Variants in DMD observed in about 807,000 individuals in gnomAD.
The protein encoded by DMD is dystrophin.
DMD carries 63 observed loss-of-function variants against 330.1 expected under a neutral mutation model. The observed-to-expected ratio is 0.19, with a 90% CI of 0.16 to 0.24. The LOEUF (loss-of-function observed/expected upper bound fraction) is 0.24. Among genes scored for constraint, DMD ranks in the 10% least tolerant of loss-of-function variants. DMD has a pLI of 1.00. For synonymous variants in DMD, 1,223 were observed against 959.8 expected (o/e 1.27, Z -5.07); for missense variants, 3,344 against 2,684.1 (o/e 1.25, Z -5.43).
intron 44 of DMD, among the ~76,000 whole-genome samples, chrX:32,046,353 A>C (rs1193811708): frequency 3.6e-5 from 4 of 112,481 alleles, no homozygotes; most frequent in Non-Finnish European, 1.9e-5. Flanking sequence ...CTCCTCACAC[A>C]GAAATGCAAA....
chrX:32,632,031 T>C (rs760231287), intron 11 of DMD, among the ~76,000 whole-genome samples: 2 of 111,784 alleles, frequency 1.8e-5, no homozygotes, highest in South Asian at 7.5e-4. Context: ...TGAGACAAGG[T>C]AAGTTTCTTC....
rs141409425 is a variant in DMD at position 31,736,209 on chromosome X, G to C, written c.7543-6461C>G. On this transcript the variant is annotated intron_variant, in intron 51 of 78. Coordinates refer to ENST00000357033, the MANE Select transcript of DMD (RefSeq NM_004006.3). Reference sequence around the variant, plus strand: ...TGCCTCTTGCTTAATTCCTGAGAATGCGTTTCAAATTTCTGGAAGGAGCAG... The same window carrying C: ...TGCCTCTTGCTTAATTCCTGAGAATCCGTTTCAAATTTCTGGAAGGAGCAG... 3.5e-3 allele frequency among the ~76,000 whole-genome samples: 393 copies of C among 111,824 alleles called. 3 individuals are homozygous for C. Among genetic ancestry groups the C allele is most frequent in the African/African-American group, 8.5e-3 (262 of 30,794 alleles).
At chrX:32,977,092 G>A (rs1018383119) in intron 2 of DMD, among the ~76,000 whole-genome samples, 1 of 111,131 alleles carries the variant, frequency 9.0e-6, no homozygotes, top group Non-Finnish European at 1.9e-5. Context: ...AGGAGTTTGA[G>A]ACCAGCCTGG....
At chrX:31,757,547 A>G (rs2089217560) in intron 51 of DMD, among the ~76,000 whole-genome samples, 1 of 111,468 alleles carries the variant, frequency 9.0e-6, no homozygotes, top group African/African-American at 3.3e-5. Flanking sequence ...CAAGATCAAG[A>G]CATCAGCAGA....
At chrX:32,607,182 G>C (rs779312007) in intron 12 of DMD, among the ~76,000 whole-genome samples, 2 of 110,319 alleles carry the variant, frequency 1.8e-5, no homozygotes, top group South Asian at 7.5e-4. Flanking sequence ...AGTTAAATGA[G>C]ACAATACATT....
chrX:31,399,971 A>C (rs1240723001), intron 60 of DMD, among the ~76,000 whole-genome samples: 1 of 112,180 alleles, frequency 8.9e-6, no homozygotes, highest in Non-Finnish European at 1.9e-5. Flanking sequence ...TCTAAATTGC[A>C]ATGACATCAT....
At chrX:33,136,468 A>G (rs1019378516) in intron 1 of DMD, among the ~76,000 whole-genome samples, 3 of 106,928 alleles carry the variant, frequency 2.8e-5, no homozygotes, top group African/African-American at 1.0e-4. Flanking sequence ...CTCTCTAAAA[A>G]TGCTGTATTT....
chrX:31,907,822 A>C (rs746407866), intron 47 of DMD, among the ~76,000 whole-genome samples: 1 of 112,566 alleles, frequency 8.9e-6, no homozygotes, highest in East Asian at 2.8e-4. Flanking sequence ...TACCCATCTG[A>C]CAAAGGGCTA....
chrX:33,135,272 C>T (rs1465887563), intron 1 of DMD, among the ~76,000 whole-genome samples: 2 of 111,872 alleles, frequency 1.8e-5, no homozygotes, highest in Admixed American at 9.6e-5. Context: ...AGCACTGTTC[C>T]TGGAACATAG....
At chrX:31,497,030 A>G (rs2069936335) in intron 56 of DMD, 86 bp from the exon 57 acceptor site, 1 of 1,047,244 alleles carries the variant, frequency 9.5e-7, no homozygotes, top group Non-Finnish European at 1.3e-6. Flanking sequence ...AGTACAATAA[A>G]CCTATTGTGA....
chrX:31,138,340 C>T (rs778531127), intron 76 of DMD, among the ~76,000 whole-genome samples: 27 of 111,464 alleles, frequency 2.4e-4, no homozygotes, highest in Admixed American at 9.5e-4. Flanking sequence ...ATTTGTTATG[C>T]AGCAACAGCT....
Position 32,679,902 on chromosome X carries a change from C to CTTTTTTTTTTTTTTTTTTTTTTTT in DMD, c.960+17944_960+17967dup, listed in dbSNP as rs766270656. ...TGTTCGTTTCGCTCTAATATTTGTACTTTTTTTTTTTTTTTTTTTTTTTTT... is the reference window on the plus strand; with the variant it reads ...TGTTCGTTTCGCTCTAATATTTGTACTTTTTTTTTTTTTTTTTTTTTTTTTTTTTTTTTTTTTTTTTTTTTTTTT... On this transcript the variant is annotated intron_variant, in intron 9 of 78. Coordinates refer to ENST00000357033, the MANE Select transcript of DMD (RefSeq NM_004006.3). Among the ~76,000 whole-genome samples, 4 of 23,599 alleles carry CTTTTTTTTTTTTTTTTTTTTTTTT rather than the reference C, an allele frequency of 1.7e-4. 1 individual carries two copies. The highest frequency in any genetic ancestry group is 7.1e-4 in the African/African-American group (4 of 5,636). The allele number at this position is 23,599 out of a possible 115,157, so 20.5% of individuals were successfully genotyped here.
chrX:32,852,311 G>A (rs1472732964), intron 2 of DMD, among the ~76,000 whole-genome samples: 2 of 111,374 alleles, frequency 1.8e-5, no homozygotes, highest in African/African-American at 3.3e-5. Context: ...TTGCTACCTT[G>A]AAGAGAAGAA....
At chrX:32,030,994 C>T (rs1051397184) in intron 44 of DMD, among the ~76,000 whole-genome samples, 3 of 111,543 alleles carry the variant, frequency 2.7e-5, no homozygotes, top group Admixed American at 9.6e-5. Flanking sequence ...AAGTGCCTGC[C>T]GTATAGAGGG....
chrX:32,989,088 G>T (rs754463798), intron 2 of DMD, among the ~76,000 whole-genome samples: 7 of 111,490 alleles, frequency 6.3e-5, no homozygotes, highest in African/African-American at 2.3e-4. Context: ...ACATATACCA[G>T]GGTAGGGTAC....
intron 9 of DMD, among the ~76,000 whole-genome samples, chrX:32,663,229 A>G (rs2061064821): frequency 1.8e-5 from 2 of 111,561 alleles, no homozygotes; most frequent in African/African-American, 6.5e-5. Flanking sequence ...AGGGAATCAG[A>G]AAATTAAGGC....
intron 2 of DMD, among the ~76,000 whole-genome samples, chrX:32,981,662 A>G (rs7892641): frequency 0.056 from 6,242 of 111,408 alleles, 434 homozygotes; most frequent in African/African-American, 0.19. Context: ...TTCTATTACT[A>G]TAACTAAATT....
chrX:31,152,109 A>G (rs1180885109), intron 74 of DMD, among the ~76,000 whole-genome samples: 1 of 111,326 alleles, frequency 9.0e-6, no homozygotes, highest in Non-Finnish European at 1.9e-5. Flanking sequence ...AGACCTAGTT[A>G]CATTTCATCC....
At chrX:32,805,526 C>T (rs376642836) in intron 7 of DMD, among the ~76,000 whole-genome samples, 18 of 111,491 alleles carry the variant, frequency 1.6e-4, no homozygotes, top group Non-Finnish European at 2.8e-4. Flanking sequence ...GATATTATCC[C>T]GGCGAACTTT....
Sources: gnomAD v4.1 joint callset for allele counts (sites outside exome capture counted in the v4.1 genomes callset) on GRCh38, gnomAD v4.1.1 for gene constraint, MANE v1.5 for transcripts, NCBI Gene and HGNC (gene_info 2026-07-23, HGNC 2026-07-21) for gene names.